Variants in ABCB11 observed in about 807,000 individuals in gnomAD.
ABCB11 encodes the protein bile salt export pump.
In ABCB11, 95 loss-of-function variants were observed where a neutral mutation model predicts 148.0. The ratio of observed to expected loss-of-function variants is 0.64; its 90% CI spans 0.54 to 0.76. The LOEUF (loss-of-function observed/expected upper bound fraction) is 0.76, where lower values mean the gene tolerates loss of function less well. Among genes scored for constraint, ABCB11 ranks in the 30% least tolerant of loss-of-function variants. The pLI is 0.00. For synonymous variants in ABCB11, 591 were observed against 555.4 expected (o/e 1.06, Z -0.90); for missense variants, 1,523 against 1,617.8 (o/e 0.94, Z 1.01).
At position 168,924,637 on chromosome 2, in the gene ABCB11, T is replaced by G. The variant is rs1459824059; in HGVS notation, c.3765+20A>C. 1 of 1,613,168 alleles carries G rather than the reference T, an allele frequency of 6.2e-7. No individual in the cohort carries two copies. Among genetic ancestry groups the G allele is most frequent in the South Asian group, 1.1e-5 (1 of 90,962 alleles). On this transcript the variant is annotated intron_variant, in intron 27 of 27. Transcript: ENST00000650372. Reference sequence around the variant, plus strand: ...AGACTTATTTGTAATGATCTAAGACTTTAGAAATTCAACACTTACCTTTTC... The same window carrying G: ...AGACTTATTTGTAATGATCTAAGACGTTAGAAATTCAACACTTACCTTTTC...
chr2:169,003,867 A>G (rs148385801), intron 5 of ABCB11, among the ~76,000 whole-genome samples: 205 of 152,210 alleles, frequency 1.3e-3, no homozygotes, highest in African/African-American at 4.8e-3. Flanking sequence ...TTCCCTCAGC[A>G]TTTGTTTGTC....
At chr2:169,017,143 A>G (rs573537471) in intron 2 of ABCB11, among the ~76,000 whole-genome samples, 43 of 118,446 alleles carry the variant, frequency 3.6e-4, no homozygotes, top group African/African-American at 1.7e-3. Flanking sequence ...TTTGAACTAC[A>G]AAATAAAATT....
intron 22 of ABCB11, among the ~76,000 whole-genome samples, chr2:168,935,917 G>A (rs1237187581): frequency 6.6e-6 from 1 of 152,164 alleles, no homozygotes; most frequent in Non-Finnish European, 1.5e-5. Flanking sequence ...CCAGAAAACT[G>A]AACTATCCAC....
At chr2:168,989,273 CT>C (rs1694433170) in intron 9 of ABCB11, among the ~76,000 whole-genome samples, 1 of 152,088 alleles carries the variant, frequency 6.6e-6, no homozygotes, top group Non-Finnish European at 1.5e-5. Flanking sequence ...ACATTTAAAA[CT>C]TTAATCCATT....
chr2:168,975,354 G>A (rs1255428887), intron 12 of ABCB11, among the ~76,000 whole-genome samples: 1 of 15,912 alleles, frequency 6.3e-5, no homozygotes, highest in African/African-American at 2.2e-4. Context: ...TATATTTATA[G>A]ATAAATATAT....
chr2:168,963,713 T>C (rs539013532), intron 18 of ABCB11, among the ~76,000 whole-genome samples: 34 of 151,974 alleles, frequency 2.2e-4, no homozygotes, highest in Admixed American at 7.2e-4. Flanking sequence ...TGAAACCTAA[T>C]TGGCCTCCAT....
intron 9 of ABCB11, among the ~76,000 whole-genome samples, chr2:168,990,168 G>C (rs1238343617): frequency 6.6e-6 from 1 of 152,084 alleles, no homozygotes; most frequent in Non-Finnish European, 1.5e-5. Flanking sequence ...GGAAGAATTT[G>C]AGGAGGACTG....
intron 11 of ABCB11, among the ~76,000 whole-genome samples, chr2:168,978,289 G>A (rs2105980970): frequency 6.6e-6 from 1 of 151,770 alleles, no homozygotes; most frequent in East Asian, 1.9e-4. Context: ...GGGACTATAG[G>A]CATGTGCCAC....
In ABCB11 at chr2:168,947,750, C is replaced by A. The variant is rs575524773; in HGVS notation, c.2344-2789G>T. Among the ~76,000 whole-genome samples, 11 of 151,686 alleles carry A rather than the reference C, an allele frequency of 7.3e-5. No individual in the cohort carries two copies. The South Asian group carries it at 2.3e-3, about 32-fold the overall frequency. On this transcript the variant is annotated intron_variant, in intron 19 of 27. Coordinates refer to ENST00000650372, the MANE Select transcript of ABCB11 (RefSeq NM_003742.4). Reference sequence around the variant, plus strand: ...GCATCATTCTCTTAGCAAATATAACCCTGTGAGAACAAGAACGACGAGTAG... The same window carrying A: ...GCATCATTCTCTTAGCAAATATAACACTGTGAGAACAAGAACGACGAGTAG...
chr2:168,964,178 T>TC (rs746911052), intron 18 of ABCB11, 28 bp downstream of exon 18: 39 of 1,504,030 alleles, frequency 2.6e-5, no homozygotes, highest in African/African-American at 7.0e-5. Context: ...CTTCTTCCAT[T>TC]CCCCCCCATA....
intron 7 of ABCB11, among the ~76,000 whole-genome samples, chr2:168,994,606 T>C (rs907856906): frequency 6.6e-6 from 1 of 152,098 alleles, no homozygotes; most frequent in African/African-American, 2.4e-5. Flanking sequence ...CAATATGTGT[T>C]AGTTCTGATT....
intron 18 of ABCB11, among the ~76,000 whole-genome samples, chr2:168,962,845 G>C (rs1693134813): frequency 1.3e-5 from 2 of 151,690 alleles, no homozygotes; most frequent in Admixed American, 6.6e-5. Flanking sequence ...AAGAAACTAT[G>C]CTTGCTAAAT....
At chr2:168,961,345 A>C (rs1328922353) in intron 18 of ABCB11, among the ~76,000 whole-genome samples, 2 of 151,738 alleles carry the variant, frequency 1.3e-5, no homozygotes, top group Non-Finnish European at 3.0e-5. Flanking sequence ...TCCCTGCCCT[A>C]ATAATAACTT....
intron 5 of ABCB11, among the ~76,000 whole-genome samples, chr2:169,001,281 A>G (rs1423555299): frequency 6.6e-6 from 1 of 151,822 alleles, no homozygotes; most frequent in Non-Finnish European, 1.5e-5. Context: ...GTTACTACGC[A>G]CTCCCTTCCT....
chr2:168,985,911 T>C (rs1303402244), intron 10 of ABCB11, among the ~76,000 whole-genome samples, 199 bp downstream of exon 10: 1 of 151,984 alleles, frequency 6.6e-6, no homozygotes, highest in Non-Finnish European at 1.5e-5. Context: ...CTCATGTAAC[T>C]AAATACCACC....
rs372790699 is a variant in ABCB11 at position 169,018,050 on chromosome 2, A to G, written c.76T>C (p.Tyr26His). The change falls in exon 2 of 28, where the codon TAT becomes CAT. Residue 26 changes from tyrosine to histidine, a missense_variant and splice_region_variant. Coordinates refer to ENST00000650372, the MANE Select transcript of ABCB11 (RefSeq NM_003742.4). The stretch of plus-strand genomic sequence containing the variant: ...GCAGTGAGGGAAAAAAGCCACTCAC[A>G]TGATTTATCTGACTCAAAACCATCA... ...ENDGFESDKS[Y>H]NNDKKSRLQD... 18 of 1,612,552 alleles carry G rather than the reference A, an allele frequency of 1.1e-5. No homozygotes were observed. The highest frequency in any genetic ancestry group is 1.5e-5 in the Non-Finnish European group (18 of 1,178,712).
intron 7 of ABCB11, among the ~76,000 whole-genome samples, chr2:168,994,383 A>C (rs1356668382): frequency 1.3e-5 from 2 of 152,094 alleles, no homozygotes; most frequent in Non-Finnish European, 2.9e-5. Flanking sequence ...GCATATAGGC[A>C]GTATAGAGTA....
intron 5 of ABCB11, among the ~76,000 whole-genome samples, chr2:169,010,203 T>C (rs1695140007): frequency 6.6e-6 from 1 of 152,198 alleles, no homozygotes; most frequent in African/African-American, 2.4e-5. Context: ...ACACGAGACT[T>C]TGTGGCTTCC....
intron 9 of ABCB11, among the ~76,000 whole-genome samples, chr2:168,989,345 A>C (rs1694435971): frequency 6.6e-6 from 1 of 152,072 alleles, no homozygotes; most frequent in African/African-American, 2.4e-5. Context: ...CTGCATGTGG[A>C]TATCCAGTTT....
Sources: gnomAD v4.1 joint callset for allele counts (sites outside exome capture counted in the v4.1 genomes callset) on GRCh38, gnomAD v4.1.1 for gene constraint, MANE v1.5 for transcripts, NCBI Gene and HGNC (gene_info 2026-07-23, HGNC 2026-07-21) for gene names.